NAV1: variants seen among roughly 807,000 people sequenced by gnomAD.
The protein encoded by NAV1 is pore membrane and/or filament interacting like protein 3.
Under a neutral mutation model 175.2 loss-of-function variants are expected in NAV1, and 18 were observed. That is an observed-to-expected ratio of 0.10 (90% confidence interval 0.07 to 0.15). The LOEUF (loss-of-function observed/expected upper bound fraction) is 0.15. Among genes scored for constraint, NAV1 ranks in the 10% least tolerant of loss-of-function variants. The pLI is 1.00. For synonymous variants in NAV1, 897 were observed against 978.7 expected (o/e 0.92, Z 1.56); for missense variants, 1,731 against 2,436.6 (o/e 0.71, Z 6.10).
chr1:201,663,799 G>C (rs1338084809), intron 1 of NAV1, among the ~76,000 whole-genome samples: 2 of 152,126 alleles, frequency 1.3e-5, no homozygotes, highest in Non-Finnish European at 2.9e-5. Flanking sequence ...TTACAGGGTG[G>C]GATGTTCCAT....
At chr1:201,711,585 C>G (rs1671910326) in intron 1 of NAV1, among the ~76,000 whole-genome samples, 1 of 152,222 alleles carries the variant, frequency 6.6e-6, no homozygotes, top group African/African-American at 2.4e-5. Context: ...CGGCAGAAGG[C>G]TTGCGGATGG....
At chr1:201,765,383 T>C (rs1342724749) in intron 3 of NAV1, among the ~76,000 whole-genome samples, 1 of 55,304 alleles carries the variant, frequency 1.8e-5, no homozygotes, top group East Asian at 9.7e-4. Context: ...GAAATATTCT[T>C]TTTTTTTTTT....
chr1:201,657,180 A>AAAGTCATTG (rs1273041020), intron 1 of NAV1, among the ~76,000 whole-genome samples: 2 of 152,228 alleles, frequency 1.3e-5, no homozygotes, highest in Non-Finnish European at 2.9e-5. Context: ...TTGGTAAGTG[A>AAAGTCATTG]AAGTCATTGT....
At chr1:201,564,432 T>C (rs761202107) in intron 1 of NAV1, among the ~76,000 whole-genome samples, 5 of 152,136 alleles carry the variant, frequency 3.3e-5, no homozygotes, top group Non-Finnish European at 7.4e-5. Flanking sequence ...CTGGGCAACA[T>C]GGCGAAACCC....
At chr1:201,551,392 C>T (rs775554687) in intron 1 of NAV1, among the ~76,000 whole-genome samples, 2 of 152,160 alleles carry the variant, frequency 1.3e-5, no homozygotes, top group African/African-American at 2.4e-5. Context: ...CCACACTTGA[C>T]TAACTTTTAC....
At chr1:201,558,338 G>T (rs7355020) in intron 1 of NAV1, among the ~76,000 whole-genome samples, 20,553 of 152,178 alleles carry the variant, frequency 0.14, 1,719 homozygotes, top group East Asian at 0.3. Context: ...TCGGGGAAAT[G>T]AATGAGCCCA....
chr1:201,763,076 A>C (rs1674964036), intron 3 of NAV1, among the ~76,000 whole-genome samples: 1 of 152,112 alleles, frequency 6.6e-6, no homozygotes, highest in Non-Finnish European at 1.5e-5. Flanking sequence ...GAAACTCAAA[A>C]TAAGGTCACT....
At chr1:201,690,679 C>T (rs943958688) in intron 1 of NAV1, among the ~76,000 whole-genome samples, 4 of 148,860 alleles carry the variant, frequency 2.7e-5, no homozygotes, top group South Asian at 2.2e-4. Context: ...CCTCCGTGGC[C>T]TGTCCGTGGC....
exon 1 of NAV1, chr1:201,648,283 G>C: frequency 9.2e-7 from 1 of 1,084,640 alleles, no homozygotes; most frequent in Non-Finnish European, 1.1e-6. Flanking sequence ...CGCGGGCTGG[G>C]ATCCGGACAC....
At chr1:201,755,448 G>A (rs1674395468) in intron 3 of NAV1, among the ~76,000 whole-genome samples, 1 of 151,790 alleles carries the variant, frequency 6.6e-6, no homozygotes, top group Admixed American at 6.5e-5. Context: ...AGAAGAAGAG[G>A]AGGAGGAGGA....
exon 1 of NAV1, chr1:201,648,306 A>G: frequency 8.9e-7 from 1 of 1,126,304 alleles, no homozygotes; most frequent in Non-Finnish European, 1.1e-6. Context: ...AAGCAAAAGC[A>G]CCGCTGGGCG....
At chr1:201,617,701 C>G (rs1284885767) in intron 2 of NAV1, among the ~76,000 whole-genome samples, 1 of 152,158 alleles carries the variant, frequency 6.6e-6, no homozygotes, top group Non-Finnish European at 1.5e-5. Context: ...GCTCTCCAGC[C>G]TGGGCCCTGT....
intron 3 of NAV1, among the ~76,000 whole-genome samples, 157 bp from the exon 8 acceptor site, chr1:201,780,264 C>A (rs1401207778): frequency 6.6e-6 from 1 of 152,198 alleles, no homozygotes; most frequent in Non-Finnish European, 1.5e-5. Flanking sequence ...TTAAGTCACA[C>A]TTTGAGTTGC....
intron 2 of NAV1, among the ~76,000 whole-genome samples, chr1:201,602,450 C>T (rs1667544711): frequency 6.6e-6 from 1 of 152,102 alleles, no homozygotes; most frequent in Non-Finnish European, 1.5e-5. Flanking sequence ...CAACAATTCT[C>T]ATACCTCACC....
chr1:201,652,254 G>C (rs1669232117), intron 1 of NAV1, among the ~76,000 whole-genome samples: 4 of 151,230 alleles, frequency 2.6e-5, no homozygotes, highest in Non-Finnish European at 4.4e-5. Context: ...CTGAGGCGGA[G>C]GGAGGGGGTG....
rs564499051 is a variant in NAV1 at position 201,810,288 on chromosome 1, C to T, written c.4561+183C>T. On this transcript the variant is annotated intron_variant, in intron 23 of 29. Coordinates refer to ENST00000367296, the Ensembl canonical transcript of NAV1. This position sits in a 1 kb window ranked among gnomAD's most constrained non-coding sequence, Gnocchi z 6.0. ...GTCCTAACTTTGGCTCCCAGGGACA[C>T]TTTTGCTAAGCCTTGGCTTCTTGCT... Among the ~76,000 whole-genome samples, 1 of 152,258 alleles carries T rather than the reference C, an allele frequency of 6.6e-6. No individual in the cohort carries two copies. The highest frequency in any genetic ancestry group is 2.1e-4 in the South Asian group (1 of 4,822).
intron 1 of NAV1, among the ~76,000 whole-genome samples, chr1:201,687,068 CTT>C (rs1472541942): frequency 1.3e-5 from 2 of 152,230 alleles, no homozygotes; most frequent in Non-Finnish European, 1.5e-5. Flanking sequence ...CTTCAGAAGT[CTT>C]TATAAGCATA....
intron 6 of NAV1, 46 bp from the exon 11 acceptor site, chr1:201,783,360 C>A: frequency 6.4e-7 from 1 of 1,570,544 alleles, no homozygotes; most frequent in Non-Finnish European, 8.7e-7. Flanking sequence ...CTGCCTCTCA[C>A]TCTGTAATTC....
chr1:201,564,435 C>T (rs755784697), intron 1 of NAV1, among the ~76,000 whole-genome samples: 5 of 151,946 alleles, frequency 3.3e-5, no homozygotes, highest in Non-Finnish European at 4.4e-5. Context: ...GGCAACATGG[C>T]GAAACCCCGT....
Sources: gnomAD v4.1 joint callset for allele counts (sites outside exome capture counted in the v4.1 genomes callset) on GRCh38, gnomAD v4.1.1 for gene constraint, Gnocchi (gnomAD v3.1) non-coding constraint, MANE v1.5 for transcripts, NCBI Gene and HGNC (gene_info 2026-07-23, HGNC 2026-07-21) for gene names.